Variants in AGBL1 observed in about 807,000 individuals in gnomAD.
The protein encoded by AGBL1 is AGBL carboxypeptidase 1, also known as cytosolic carboxypeptidase 4.
A neutral mutation model predicts 118.9 loss-of-function variants in AGBL1; 130 were observed. The observed-to-expected ratio is 1.09, with a 90% CI of 0.95 to 1.26. The LOEUF is 1.26. Ranked by LOEUF, AGBL1 falls within the 50% of genes most tolerant of loss-of-function variation. AGBL1 has a pLI of 0.00. For missense variants in AGBL1, 1,584 were observed against 1,298.1 expected (o/e 1.22, Z -3.38); for synonymous variants, 555 against 478.9 (o/e 1.16, Z -2.08).
intron 22 of AGBL1, among the ~76,000 whole-genome samples, chr15:86,691,646 A>G (rs2086173901): frequency 6.6e-6 from 1 of 152,140 alleles, no homozygotes; most frequent in Non-Finnish European, 1.5e-5. Flanking sequence ...AACTAAGAAA[A>G]CAAATAAGAT....
intron 22 of AGBL1, among the ~76,000 whole-genome samples, chr15:86,855,326 T>C (rs1335909268): frequency 6.6e-6 from 1 of 152,246 alleles, no homozygotes; most frequent in Non-Finnish European, 1.5e-5. Context: ...TAGCTTAGTA[T>C]AAAGCCAAGG....
intron 18 of AGBL1, among the ~76,000 whole-genome samples, chr15:86,497,533 C>A (rs537353508): frequency 1.3e-4 from 20 of 152,028 alleles, no homozygotes; most frequent in African/African-American, 4.1e-4. Flanking sequence ...TGAAATGTGT[C>A]CTCCTGTTTT....
At chr15:86,375,967 G>A (rs944728945) in intron 17 of AGBL1, among the ~76,000 whole-genome samples, 3 of 152,196 alleles carry the variant, frequency 2.0e-5, no homozygotes, top group African/African-American at 4.8e-5. Context: ...GGTGAGCCAG[G>A]CAGCCAAACT....
intron 22 of AGBL1, among the ~76,000 whole-genome samples, chr15:86,759,980 A>G (rs1455144579): frequency 6.6e-6 from 1 of 152,124 alleles, no homozygotes. Flanking sequence ...CTGAAACAGC[A>G]GCAGCAGGCT....
chr15:86,950,257 C>A (rs2080866028), intron 23 of AGBL1, among the ~76,000 whole-genome samples: 1 of 150,250 alleles, frequency 6.7e-6, no homozygotes, highest in African/African-American at 2.4e-5. Flanking sequence ...ATCAGTTAAC[C>A]CCAAATAAAG....
intron 17 of AGBL1, among the ~76,000 whole-genome samples, chr15:86,372,911 T>C (rs1022449211): frequency 1.3e-5 from 2 of 151,948 alleles, no homozygotes; most frequent in Admixed American, 1.3e-4. Context: ...CAGCTGTTAC[T>C]GGGTGCTAAG....
intron 6 of AGBL1, among the ~76,000 whole-genome samples, chr15:86,231,487 T>A (rs2078454203): frequency 6.6e-6 from 1 of 152,186 alleles, no homozygotes; most frequent in South Asian, 2.1e-4. Flanking sequence ...ATTGATAGAT[T>A]TTTGCATTTG....
intron 19 of AGBL1, among the ~76,000 whole-genome samples, chr15:86,544,208 A>C (rs1285484349): frequency 1.3e-5 from 2 of 152,206 alleles, no homozygotes; most frequent in Admixed American, 6.5e-5. Context: ...TGGATGGTCT[A>C]AGTTAGATTC....
rs1189998194 is a variant in AGBL1, at chr15:86,781,495, C to T, written c.3158+107059C>T. The stretch of plus-strand genomic sequence containing the variant: ...ATGACCCATGACAGGTGCTCAAAAC[C>T]AGTAATTATCATTATGAGGATTTTT... On this transcript the variant is annotated intron_variant, in intron 22 of 22. Coordinates refer to ENST00000614907, the MANE Select transcript of AGBL1 (RefSeq NM_001386094.1). Among the ~76,000 whole-genome samples the T allele has an allele frequency of 3.9e-5, 6 of 152,052 alleles. No individual in the cohort carries two copies. The East Asian group carries it at 1.2e-3, about 29-fold the overall frequency.
intron 5 of AGBL1, among the ~76,000 whole-genome samples, chr15:86,205,894 T>C (rs2077983376): frequency 6.6e-6 from 1 of 152,170 alleles, no homozygotes; most frequent in South Asian, 2.1e-4. Flanking sequence ...TTTGTTACAT[T>C]GGTATACATG....
intron 18 of AGBL1, among the ~76,000 whole-genome samples, chr15:86,498,651 T>C (rs2082882404): frequency 6.6e-6 from 1 of 151,914 alleles, no homozygotes. Flanking sequence ...TCTATACCCA[T>C]AATTTTTTAA....
chr15:86,586,181 C>T (rs1339062326), intron 21 of AGBL1, among the ~76,000 whole-genome samples: 1 of 152,208 alleles, frequency 6.6e-6, no homozygotes, highest in Non-Finnish European at 1.5e-5. Flanking sequence ...CTTGCTTACT[C>T]TCTCATTCTG....
chr15:86,590,167 A>T (rs1165083532), intron 21 of AGBL1, among the ~76,000 whole-genome samples: 2 of 152,204 alleles, frequency 1.3e-5, no homozygotes, highest in Non-Finnish European at 2.9e-5. Context: ...GGCCAAAAAT[A>T]GGTTGTATTG....
At chr15:86,846,484 T>C (rs950934748) in intron 22 of AGBL1, among the ~76,000 whole-genome samples, 21 of 152,248 alleles carry the variant, frequency 1.4e-4, no homozygotes, top group African/African-American at 4.6e-4. Context: ...TTCCATTGTC[T>C]TACAGATTAC....
In AGBL1 at chr15:86,545,895, T is replaced by C. The variant is rs114067737; in HGVS notation, c.2686-107T>C. ...CAACAGCATCCGAGAAAGTTGACAT[T>C]GTAAACTTTCTTTGAGCCATGGAAC... On this transcript the variant is annotated intron_variant, in intron 19 of 22. Coordinates refer to ENST00000614907, the MANE Select transcript of AGBL1 (RefSeq NM_001386094.1). 2,587 of 1,368,924 alleles carry C rather than the reference T, an allele frequency of 1.9e-3. 36 individuals carry two copies. In the African/African-American group the frequency reaches 0.034, roughly 18 times the overall value. 84.8% of individuals were successfully genotyped at this position (1,368,924 alleles called of 1,614,324 possible). A position where few individuals can be genotyped will look rare whatever the true frequency, so the allele number is the denominator to read the frequency against.
At chr15:86,724,343 A>G (rs770616309) in intron 22 of AGBL1, among the ~76,000 whole-genome samples, 79 of 151,966 alleles carry the variant, frequency 5.2e-4, no homozygotes, top group South Asian at 1.0e-3. Context: ...TAGAGGGGCC[A>G]GAATGTTGGA....
chr15:86,788,473 G>A (rs745846122), intron 22 of AGBL1, among the ~76,000 whole-genome samples: 7 of 152,106 alleles, frequency 4.6e-5, no homozygotes, highest in South Asian at 2.1e-4. Context: ...CACTAAGTAC[G>A]GGACAATATT....
At chr15:86,255,126 A>T (rs2078874027) in intron 7 of AGBL1, among the ~76,000 whole-genome samples, 1 of 152,152 alleles carries the variant, frequency 6.6e-6, no homozygotes, top group African/African-American at 2.4e-5. Flanking sequence ...GGCTTTTTTG[A>T]CTGAATTCCC....
chr15:86,344,063 G>C (rs1179361096), intron 17 of AGBL1, among the ~76,000 whole-genome samples: 1 of 152,202 alleles, frequency 6.6e-6, no homozygotes, highest in Non-Finnish European at 1.5e-5. Context: ...GGACACATTT[G>C]GAAAGGTCAG....
Sources: allele counts gnomAD v4.1 joint callset (sites outside exome capture counted in the v4.1 genomes callset), GRCh38; gene constraint gnomAD v4.1.1; transcripts MANE v1.5; gene names NCBI Gene and HGNC (gene_info 2026-07-23, HGNC 2026-07-21).